PPME1: variants seen among roughly 807,000 people sequenced by gnomAD.
PPME1 encodes the protein protein phosphatase methylesterase 1.
In PPME1, 17 loss-of-function variants were observed where a neutral mutation model predicts 56.9. That is an observed-to-expected ratio of 0.30 (90% CI 0.20 to 0.45). The LOEUF (loss-of-function observed/expected upper bound fraction) is 0.45. Among genes scored for constraint, PPME1 ranks in the 20% least tolerant of loss-of-function variants. PPME1 has a pLI of 1.00. For synonymous variants in PPME1, 122 were observed against 156.2 expected, an observed-to-expected ratio of 0.78 and a Z score of 1.63; for missense variants, 357 against 483.2, an observed-to-expected ratio of 0.74 and a Z score of 2.45.
chr11:74,193,190 G>A (rs889254677), intron 1 of PPME1, among the ~76,000 whole-genome samples: 1 of 152,182 alleles, frequency 6.6e-6, no homozygotes, highest in Non-Finnish European at 1.5e-5. Context: ...GTGAATAAGT[G>A]TAATAAAAAT....
At position 74,230,847 on chromosome 11, in the gene PPME1, A is replaced by T; in HGVS notation, c.554-65A>T. ...ATCAAGAGCAGATATATAGTAGTTG[A>T]CTCAGTAAGTGTAAATGCTCAGAAT... On this transcript the variant is annotated intron_variant, in intron 6 of 13. Transcript: ENST00000328257. This position sits in a 1 kb window ranked among gnomAD's most constrained non-coding sequence, Gnocchi z 4.9. 8.5e-7 allele frequency: 1 copy of T among 1,178,954 alleles called. No individual in the cohort carries two copies. Among genetic ancestry groups the T allele is most frequent in the South Asian group, 1.3e-5 (1 of 75,966 alleles). The allele number at this position is 1,178,954 out of a possible 1,614,324, so 73.0% of individuals were successfully genotyped here. A position where few individuals can be genotyped will look rare whatever the true frequency, so the allele number is the denominator to read the frequency against.
intron 1 of PPME1, among the ~76,000 whole-genome samples, chr11:74,175,657 A>C (rs1277175356): frequency 6.6e-6 from 1 of 152,160 alleles, no homozygotes; most frequent in Admixed American, 6.5e-5. Flanking sequence ...TCGTGGGCTC[A>C]AGCAGTCTTC....
chr11:74,228,105 A>T (rs1858974751), intron 5 of PPME1, among the ~76,000 whole-genome samples: 3 of 151,696 alleles, frequency 2.0e-5, no homozygotes, highest in Admixed American at 2.0e-4. Context: ...TTACATGTTG[A>T]TATTTAATAT....
intron 3 of PPME1, 75 bp from the exon 4 acceptor site, chr11:74,222,237 A>G: frequency 8.5e-7 from 1 of 1,173,960 alleles, no homozygotes; most frequent in Non-Finnish European, 1.3e-6. Context: ...AGTTCATTTT[A>G]CAAAGTTATC....
intron 1 of PPME1, among the ~76,000 whole-genome samples, chr11:74,202,926 T>C (rs1416846273): frequency 1.3e-5 from 2 of 152,176 alleles, no homozygotes; most frequent in Non-Finnish European, 2.9e-5. Flanking sequence ...TTTACCCAAG[T>C]GATAGCACGC....
chr11:74,210,132 T>C (rs1171424517), intron 3 of PPME1, among the ~76,000 whole-genome samples: 4 of 152,194 alleles, frequency 2.6e-5, no homozygotes, highest in Non-Finnish European at 4.4e-5. Context: ...AGCAGATTGA[T>C]AGTGTGGTAA....
intron 7 of PPME1, among the ~76,000 whole-genome samples, chr11:74,234,691 A>G (rs1399648364): frequency 6.6e-6 from 1 of 152,258 alleles, no homozygotes; most frequent in East Asian, 1.9e-4. Flanking sequence ...GGAAAGGATG[A>G]GAGGTGACAA....
At chr11:74,178,165 C>T (rs913046768) in intron 1 of PPME1, among the ~76,000 whole-genome samples, 1 of 152,212 alleles carries the variant, frequency 6.6e-6, no homozygotes, top group Non-Finnish European at 1.5e-5. Context: ...TTTTCCTTCT[C>T]TTGCTTGTCA....
intron 1 of PPME1, among the ~76,000 whole-genome samples, chr11:74,192,682 T>C (rs7107268): frequency 0.1 from 15,797 of 152,140 alleles, 2,151 homozygotes; most frequent in African/African-American, 0.32. Flanking sequence ...ACCTTGGTAA[T>C]GAGTGAGTTC....
intron 11 of PPME1, 66 bp from the exon 12 acceptor site, chr11:74,250,888 C>A: frequency 7.2e-7 from 1 of 1,389,124 alleles, no homozygotes; most frequent in Non-Finnish European, 1.0e-6. Flanking sequence ...CTGGAATGAC[C>A]TATGAGGCTG....
At chr11:74,187,269 G>A (rs60218608) in intron 1 of PPME1, among the ~76,000 whole-genome samples, 1,861 of 152,106 alleles carry the variant, frequency 0.012, 33 homozygotes, top group African/African-American at 0.043. Context: ...GTTTGTCAAC[G>A]TCTGCAAAGA....
At chr11:74,218,097 G>A (rs997774767) in intron 3 of PPME1, among the ~76,000 whole-genome samples, 3 of 152,196 alleles carry the variant, frequency 2.0e-5, no homozygotes, top group South Asian at 4.1e-4. Context: ...CAAAATTGAT[G>A]TACAAAAATT....
rs528691755 is a variant in PPME1 at position 74,222,777 on chromosome 11, C to G, written c.346+408C>G. 22 of 175,044 alleles carry G rather than the reference C, an allele frequency of 1.3e-4. No individual in the cohort carries two copies. The East Asian group carries it at 2.5e-3, about 20-fold the overall frequency. 10.8% of individuals were successfully genotyped at this position (175,044 alleles called of 1,614,324 possible). On this transcript the variant is annotated intron_variant, in intron 4 of 13. Coordinates refer to ENST00000328257, the MANE Select transcript of PPME1 (RefSeq NM_016147.3). Reference sequence around the variant, plus strand: ...GTGCTAGCATCACAGGTGTGAGCCACTGCGCCCAGCTCGATTTGGGCATTT... The same window carrying G: ...GTGCTAGCATCACAGGTGTGAGCCAGTGCGCCCAGCTCGATTTGGGCATTT...
At chr11:74,181,072 T>C (rs4531491) in intron 1 of PPME1, among the ~76,000 whole-genome samples, 17,222 of 146,208 alleles carry the variant, frequency 0.12, 2,991 homozygotes, top group African/African-American at 0.39. Context: ...GAGTCTCGCT[T>C]TGTCGCCCAG....
intron 1 of PPME1, among the ~76,000 whole-genome samples, chr11:74,188,674 G>A (rs142359281): frequency 6.6e-6 from 1 of 152,264 alleles, no homozygotes; most frequent in African/African-American, 2.4e-5. Context: ...AAATATGTAT[G>A]TATATGGTGC....
intron 3 of PPME1, among the ~76,000 whole-genome samples, chr11:74,220,745 A>G (rs1418715657): frequency 1.3e-5 from 2 of 152,192 alleles, no homozygotes; most frequent in Admixed American, 6.5e-5. Flanking sequence ...GCTAAACACC[A>G]TAATATTCTA....
intron 1 of PPME1, among the ~76,000 whole-genome samples, chr11:74,197,274 T>G (rs1452811523): frequency 6.6e-6 from 1 of 152,212 alleles, no homozygotes; most frequent in Non-Finnish European, 1.5e-5. Flanking sequence ...TGCACATTAA[T>G]TCACTTCAGA....
At position 74,171,406 on chromosome 11, in the gene PPME1, G is replaced by A. The variant is rs773658621; in HGVS notation, c.-16G>A. ...CTTCGCCTACTGTTTGACTACGTGCGTGCAGCCTCCCCTCGATGTCGGCCC... is the reference window on the plus strand; with the variant it reads ...CTTCGCCTACTGTTTGACTACGTGCATGCAGCCTCCCCTCGATGTCGGCCC... On this transcript the variant is annotated 5_prime_UTR_variant, in exon 1 of 14. The change creates a new upstream start codon in the 5' untranslated region. Transcript: ENST00000328257. 10 of 1,604,816 alleles carry A rather than the reference G, an allele frequency of 6.2e-6. No individual in the cohort carries two copies. The highest frequency in any genetic ancestry group is 8.5e-6 in the Non-Finnish European group (10 of 1,175,828).
chr11:74,225,208 A>C lies in PPME1; in HGVS notation c.350A>C (p.Glu117Ala), dbSNP rs1170957871. The C allele has an allele frequency of 3.9e-6, 6 of 1,553,242 alleles. No homozygotes were observed. ...IVALDLRSHG[E>A]TKVKNPEDLS... ...TTTTAAAATATTTTCATTTTAGGTG[A>C]AACAAAGGTCAAGAATCCTGAAGAT... The change falls in exon 5 of 14, where the codon GAA becomes GCA. Residue 117 changes from glutamate to alanine, a missense_variant. Glu to Ala is a moderately radical substitution (Grantham distance 107, BLOSUM62 -1). Transcript: ENST00000328257.
Sources: gnomAD v4.1 joint callset for allele counts (sites outside exome capture counted in the v4.1 genomes callset) on GRCh38, gnomAD v4.1.1 for gene constraint, Gnocchi (gnomAD v3.1) non-coding constraint, MANE v1.5 for transcripts, NCBI Gene and HGNC (gene_info 2026-07-23, HGNC 2026-07-21) for gene names.